PIGN: variants seen among roughly 807,000 people sequenced by gnomAD.
PIGN encodes the protein GPI ethanolamine phosphate transferase 1.
In PIGN, 117 loss-of-function variants were observed where a neutral mutation model predicts 125.4. The observed-to-expected ratio is 0.93, with a 90% CI of 0.80 to 1.09. PIGN has a LOEUF of 1.09. PIGN is among the 50% of genes least tolerant of loss of function. The pLI is 0.00. For synonymous variants in PIGN, 392 were observed against 377.8 expected (o/e 1.04, Z -0.44); for missense variants, 1,075 against 1,094.9 (o/e 0.98, Z 0.26).
intron 25 of PIGN, among the ~76,000 whole-genome samples, chr18:62,087,683 T>G (rs906446079): frequency 2.0e-5 from 3 of 152,196 alleles, no homozygotes; most frequent in African/African-American, 7.2e-5. Flanking sequence ...TTATTTCCTG[T>G]ACCTGAGGTC....
intron 28 of PIGN, among the ~76,000 whole-genome samples, chr18:62,079,073 C>CT (rs1208915796): frequency 1.3e-4 from 20 of 152,244 alleles, no homozygotes; most frequent in Admixed American, 4.6e-4. Context: ...GCACACTCTG[C>CT]TTAAGGCTAC....
intron 23 of PIGN, among the ~76,000 whole-genome samples, chr18:62,021,561 GAGA>G (rs2030055102): frequency 6.6e-6 from 1 of 152,220 alleles, no homozygotes; most frequent in Non-Finnish European, 1.5e-5. Flanking sequence ...AGGAAACCTT[GAGA>G]TTCAGAAACC....
At position 62,140,418 on chromosome 18, in the gene PIGN, A is replaced by T; in HGVS notation, c.1023+2T>A. The T allele has an allele frequency of 7.2e-7, 1 of 1,384,192 alleles. No individual in the cohort carries two copies. The highest frequency in any genetic ancestry group is 1.0e-6 in the Non-Finnish European group (1 of 992,096). The allele number at this position is 1,384,192 out of a possible 1,614,324, so 85.7% of individuals were successfully genotyped here. A position where few individuals can be genotyped will look rare whatever the true frequency, so the allele number is the denominator to read the frequency against. On this transcript the variant is annotated splice_donor_variant, in intron 12 of 30. Transcript: ENST00000640252. LOFTEE classifies it high-confidence loss of function. ...AGTTGATAATAAAATTTTATTCCTT[A>T]CCACTGAGTTAAGAGGAAAGGGAAC...
In PIGN at chr18:62,045,748, G is replaced by A. The variant is rs1361060036; in HGVS notation, c.*108C>T. The A allele has an allele frequency of 2.9e-6, 3 of 1,032,002 alleles. No homozygotes were observed. Among genetic ancestry groups the A allele is most frequent in the Admixed American group, 4.8e-5 (2 of 41,468 alleles). 63.9% of individuals were successfully genotyped at this position (1,032,002 alleles called of 1,614,324 possible). On this transcript the variant is annotated 3_prime_UTR_variant, in exon 31 of 31. Coordinates refer to ENST00000640252, the MANE Select transcript of PIGN (RefSeq NM_176787.5). ...ATTCCAAATACCATTTTCCTTACAG[G>A]AGTAGAATATACTATATATCCATAT...
chr18:62,173,641 G>C (rs764136888), intron 1 of PIGN, among the ~76,000 whole-genome samples: 4 of 152,202 alleles, frequency 2.6e-5, no homozygotes, highest in Non-Finnish European at 4.4e-5. Context: ...GTAAAATGCA[G>C]ATAATACTGA....
chr18:62,143,147 T>C (rs2036195893), intron 11 of PIGN, among the ~76,000 whole-genome samples, 159 bp downstream of exon 11: 1 of 152,230 alleles, frequency 6.6e-6, no homozygotes, highest in Non-Finnish European at 1.5e-5. Flanking sequence ...AGAGATTAGC[T>C]GGGCTAAAAT....
intron 14 of PIGN, among the ~76,000 whole-genome samples, chr18:62,135,164 T>C (rs1270210614): frequency 6.6e-6 from 1 of 152,224 alleles, no homozygotes; most frequent in Admixed American, 6.5e-5. Flanking sequence ...CTAGTACCTT[T>C]CTACATTTTG....
At chr18:62,158,264 A>G (rs2147540819) in intron 4 of PIGN, among the ~76,000 whole-genome samples, 1 of 152,328 alleles carries the variant, frequency 6.6e-6, no homozygotes, top group South Asian at 2.1e-4. Flanking sequence ...AGATGGACAT[A>G]CATGGGTACC....
intron 1 of PIGN, chr18:62,174,277 G>T (rs2037444075): frequency 6.6e-6 from 1 of 151,120 alleles, no homozygotes; most frequent in Admixed American, 6.6e-5. Flanking sequence ...CACTTCCATG[G>T]TAGCTCCTAG....
At chr18:62,092,587 A>G (rs375144661) in intron 23 of PIGN, among the ~76,000 whole-genome samples, 5 of 152,174 alleles carry the variant, frequency 3.3e-5, no homozygotes, top group African/African-American at 1.2e-4. Flanking sequence ...CCACCTAGAA[A>G]ATGCTTCTGA....
chr18:62,061,873 A>G (rs1402919616), intron 30 of PIGN, among the ~76,000 whole-genome samples: 2 of 152,146 alleles, frequency 1.3e-5, no homozygotes, highest in African/African-American at 4.8e-5. Context: ...TGACATGTGA[A>G]CCCTATCGTA....
intron 23 of PIGN, among the ~76,000 whole-genome samples, chr18:62,030,167 G>T (rs762472652): frequency 1.3e-5 from 2 of 152,210 alleles, no homozygotes; most frequent in African/African-American, 2.4e-5. Flanking sequence ...AGACTCAGGG[G>T]CTTAACAAGT....
intron 11 of PIGN, 24 bp from the exon 12 acceptor site, chr18:62,140,503 TAAG>T (rs1488608236): frequency 1.5e-6 from 2 of 1,331,752 alleles, no homozygotes; most frequent in South Asian, 1.3e-5. Flanking sequence ...AGCTCAATTC[TAAG>T]AAGTCTATGG....
At chr18:62,173,998 G>A (rs769148021) in intron 1 of PIGN, among the ~76,000 whole-genome samples, 7 of 152,138 alleles carry the variant, frequency 4.6e-5, no homozygotes, top group African/African-American at 7.2e-5. Context: ...GGCAGATCAC[G>A]AAGTCAAGAG....
chr18:62,081,563 A>G (rs1468858000), intron 28 of PIGN, among the ~76,000 whole-genome samples: 2 of 152,162 alleles, frequency 1.3e-5, no homozygotes, highest in Admixed American at 6.5e-5. Flanking sequence ...GCATTACTAT[A>G]GACACGCACA....
chr18:62,181,238 T>A (rs1459067640), intron 1 of PIGN, among the ~76,000 whole-genome samples: 4 of 152,222 alleles, frequency 2.6e-5, no homozygotes, highest in Admixed American at 6.5e-5. Context: ...TGTTTATTCA[T>A]AATGAAATAC....
At chr18:62,080,093 C>G (rs1359990098) in intron 28 of PIGN, among the ~76,000 whole-genome samples, 1 of 152,094 alleles carries the variant, frequency 6.6e-6, no homozygotes. Flanking sequence ...AGAAAACTAG[C>G]TTTTTGGCTG....
chr18:62,109,228 G>C (rs1019026546), intron 17 of PIGN, among the ~76,000 whole-genome samples: 5 of 152,122 alleles, frequency 3.3e-5, no homozygotes, highest in African/African-American at 4.8e-5. Flanking sequence ...ACTCACCAAA[G>C]AGCCTTACTT....
chr18:62,156,167 A>G (rs17643034), intron 6 of PIGN, among the ~76,000 whole-genome samples: 82,827 of 151,954 alleles, frequency 0.55, 24,496 homozygotes, highest in East Asian at 0.76. Context: ...AGATGTCCCA[A>G]TATTTGCAGA....
Sources: gnomAD v4.1 joint callset for allele counts (sites outside exome capture counted in the v4.1 genomes callset) on GRCh38, gnomAD v4.1.1 for gene constraint, MANE v1.5 for transcripts, NCBI Gene and HGNC (gene_info 2026-07-23, HGNC 2026-07-21) for gene names.